The following BRAF variants were observed in gnomAD, a reference collection of about 807,000 sequenced individuals.
The protein encoded by BRAF is serine/threonine-protein kinase B-raf.
BRAF carries 16 observed loss-of-function variants against 104.6 expected under a neutral mutation model. The ratio of observed to expected loss-of-function variants is 0.15; its 90% CI spans 0.10 to 0.23. BRAF has a LOEUF of 0.23. BRAF is among the 10% of genes least tolerant of loss of function. The pLI is 1.00. For missense variants in BRAF, 541 were observed against 937.3 expected (o/e 0.58, Z 5.52); for synonymous variants, 310 against 341.6 (o/e 0.91, Z 1.02).
chr7:140,778,734 C>T (rs1199440437), intron 12 of BRAF, among the ~76,000 whole-genome samples: 1 of 146,532 alleles, frequency 6.8e-6, no homozygotes, highest in Non-Finnish European at 1.5e-5. Flanking sequence ...TTATTAAAAT[C>T]ATCAAAAAAA....
At position 140,924,671 on chromosome 7, in the gene BRAF, G is replaced by GCCGCCA. The variant is rs1818679684; in HGVS notation, c.27_32dup (p.Gly10_Gly11dup). 7.8e-7 allele frequency: 1 copy of GCCGCCA among 1,274,262 alleles called. No individual in the cohort carries two copies. The highest frequency in any genetic ancestry group is 1.6e-5 in the African/African-American group (1 of 64,502). The allele number at this position is 1,274,262 out of a possible 1,614,324, so 78.9% of individuals were successfully genotyped here. ...TGAACAGAGCCTGGCCCGGCTCCGC[G>GCCGCCA]CCGCCACCACCGCCACCGCTCAGCG... On this transcript the variant is annotated inframe_insertion, in exon 1 of 20. Transcript: ENST00000644969. The surrounding 1 kb of genome is among the most constrained non-coding windows in gnomAD (Gnocchi z 4.2).
In BRAF at chr7:140,790,881, C is replaced by A. The variant is rs138383623; in HGVS notation, c.1141-3297G>T. 8.3e-4 allele frequency among the ~76,000 whole-genome samples: 127 copies of A among 152,244 alleles called. No individual in the cohort carries two copies. In the East Asian group the frequency reaches 0.022, roughly 26 times the overall value. The stretch of plus-strand genomic sequence containing the variant: ...CAACACTCTGGGAGGCGGAGGTGGG[C>A]GGATCACTTGAGGTCAGGAGTTCAG... On this transcript the variant is annotated intron_variant, in intron 8 of 19. Coordinates refer to ENST00000644969, the MANE Select transcript of BRAF (RefSeq NM_001374258.1).
At chr7:140,760,523 T>C (rs528281451) in intron 14 of BRAF, among the ~76,000 whole-genome samples, 23 of 151,870 alleles carry the variant, frequency 1.5e-4, no homozygotes, top group African/African-American at 5.3e-4. Context: ...GGACAGTGAA[T>C]ACCAACAAGT....
At chr7:140,891,257 G>A (rs1814185963) in intron 1 of BRAF, among the ~76,000 whole-genome samples, 1 of 152,160 alleles carries the variant, frequency 6.6e-6, no homozygotes, top group Non-Finnish European at 1.5e-5. Flanking sequence ...AAAAGTTGCT[G>A]AGTTCAGTGT....
At chr7:140,824,535 A>C (rs1805803807) in intron 3 of BRAF, 1 of 152,098 alleles carries the variant, frequency 6.6e-6, no homozygotes, top group Non-Finnish European at 1.5e-5. Flanking sequence ...ACTTTGTAGT[A>C]AGTTTTGAGA....
intron 1 of BRAF, among the ~76,000 whole-genome samples, chr7:140,888,805 A>G (rs754453162): frequency 1.3e-5 from 2 of 151,758 alleles, no homozygotes; most frequent in Non-Finnish European, 2.9e-5. Context: ...ATTGCACTAT[A>G]GCCTGGGCAA....
At chr7:140,807,376 A>C (rs1803767403) in intron 5 of BRAF, among the ~76,000 whole-genome samples, 1 of 152,214 alleles carries the variant, frequency 6.6e-6, no homozygotes, top group African/African-American at 2.4e-5. Flanking sequence ...ATGGTTAAAT[A>C]TAATGAATTC....
chr7:140,882,810 T>G (rs1813090090), intron 1 of BRAF, among the ~76,000 whole-genome samples: 1 of 151,832 alleles, frequency 6.6e-6, no homozygotes, highest in Admixed American at 6.6e-5. Context: ...CTGACCAACA[T>G]GGAGAAGAAA....
chr7:140,869,984 GAAGA>G (rs905164186), intron 1 of BRAF, among the ~76,000 whole-genome samples: 15 of 142,336 alleles, frequency 1.1e-4, no homozygotes, highest in South Asian at 6.8e-4. Context: ...CCAAAAAAAG[GAAGA>G]AAGAAAGACG....
intron 3 of BRAF, among the ~76,000 whole-genome samples, chr7:140,828,006 C>G (rs1562981330): frequency 6.6e-6 from 1 of 152,152 alleles, no homozygotes; most frequent in Non-Finnish European, 1.5e-5. Context: ...AAGCGATTCT[C>G]CTGCCTCAGC....
At chr7:140,807,846 G>GT in intron 5 of BRAF, 114 bp downstream of exon 5, 1 of 759,490 alleles carries the variant, frequency 1.3e-6, no homozygotes, top group South Asian at 1.7e-5. Flanking sequence ...TTCAACTCAG[G>GT]TAAAATGTCA....
intron 14 of BRAF, among the ~76,000 whole-genome samples, chr7:140,769,769 C>T (rs777133161): frequency 2.0e-5 from 3 of 151,986 alleles, no homozygotes; most frequent in East Asian, 1.9e-4. Context: ...GAGTCAGGGT[C>T]GCACAGTGTC....
At chr7:140,785,376 A>G (rs1194966351) in intron 10 of BRAF, among the ~76,000 whole-genome samples, 2 of 152,198 alleles carry the variant, frequency 1.3e-5, no homozygotes, top group Non-Finnish European at 2.9e-5. Context: ...CACCCACCTT[A>G]TTTATTCCCA....
intron 14 of BRAF, among the ~76,000 whole-genome samples, chr7:140,763,363 G>A (rs562088019): frequency 7.7e-4 from 116 of 150,976 alleles, no homozygotes; most frequent in African/African-American, 2.7e-3. Context: ...CTCCCGGACG[G>A]GGCAGCTGGC....
chr7:140,889,074 C>T (rs1423664236), intron 1 of BRAF, among the ~76,000 whole-genome samples: 1 of 152,196 alleles, frequency 6.6e-6, no homozygotes, highest in Non-Finnish European at 1.5e-5. Context: ...GTAGGATTCA[C>T]TCAACTGCAG....
At chr7:140,886,593 G>C (rs1391137667) in intron 1 of BRAF, among the ~76,000 whole-genome samples, 1 of 152,114 alleles carries the variant, frequency 6.6e-6, no homozygotes. Flanking sequence ...AACACTCTTT[G>C]CCTAGCACTT....
At chr7:140,731,768 C>T (rs550310211) in intron 19 of BRAF, 192 of 152,202 alleles carry the variant, frequency 1.3e-3, no homozygotes, top group African/African-American at 4.4e-3. Flanking sequence ...ATCCTGTGAT[C>T]CTGAAACTAT....
intron 17 of BRAF, chr7:140,740,622 A>C (rs902348140): frequency 5.3e-5 from 8 of 152,240 alleles, no homozygotes; most frequent in Non-Finnish European, 1.2e-4. Flanking sequence ...CTTGGGACTC[A>C]GGGAGGACAG....
At chr7:140,861,201 G>A (rs982005766) in intron 1 of BRAF, among the ~76,000 whole-genome samples, 1 of 152,186 alleles carries the variant, frequency 6.6e-6, no homozygotes, top group Non-Finnish European at 1.5e-5. Context: ...CGCCTTCTGA[G>A]AGAACAAAGA....
Sources: allele counts gnomAD v4.1 joint callset (sites outside exome capture counted in the v4.1 genomes callset), GRCh38; gene constraint gnomAD v4.1.1; non-coding constraint Gnocchi (gnomAD v3.1); transcripts MANE v1.5; gene names NCBI Gene and HGNC (gene_info 2026-07-23, HGNC 2026-07-21).